The following PHLPP1 variants were observed in gnomAD, a reference collection of about 807,000 sequenced individuals.
The protein encoded by PHLPP1 is PH domain leucine-rich repeat-containing protein phosphatase 1.
A neutral mutation model predicts 117.2 loss-of-function variants in PHLPP1; 42 were observed. The observed-to-expected ratio is 0.36, with a 90% CI of 0.28 to 0.46. The LOEUF is 0.46. Ranked by LOEUF, PHLPP1 falls within the 20% of genes least tolerant of loss-of-function variation. PHLPP1 has a pLI of 1.00. For missense variants in PHLPP1, 2,084 were observed against 2,241.9 expected, an observed-to-expected ratio of 0.93 and a Z score of 1.42; for synonymous variants, 1,042 against 970.7, an observed-to-expected ratio of 1.07 and a Z score of -1.37.
rs1470730638 is a variant in PHLPP1, at chr18:62,838,299, A to G, written c.1774-485A>G. The G allele has an allele frequency of 3.9e-5, 6 of 152,438 alleles. 1 individual carries two copies. Among genetic ancestry groups the G allele is most frequent in the Non-Finnish European group, 1.5e-5 (1 of 68,124 alleles). The allele number at this position is 152,438 out of a possible 1,614,324, so 9.4% of individuals were successfully genotyped here. On this transcript the variant is annotated intron_variant, in intron 2 of 16. Transcript: ENST00000262719. Reference sequence around the variant, plus strand: ...CTTGTGAAGAACTTACAAGGAGTGGAAATTTGATTTGACTGTATTTCACTG... The same window carrying G: ...CTTGTGAAGAACTTACAAGGAGTGGGAATTTGATTTGACTGTATTTCACTG...
chr18:62,767,235 A>G (rs1422578172), intron 1 of PHLPP1, among the ~76,000 whole-genome samples: 1 of 152,174 alleles, frequency 6.6e-6, no homozygotes, highest in Non-Finnish European at 1.5e-5. Flanking sequence ...GGAAGGTTAA[A>G]ATACATAATT....
In PHLPP1 at chr18:62,734,168, G is replaced by T. The variant is rs2122063940; in HGVS notation, c.1576+16909G>T. On this transcript the variant is annotated intron_variant, in intron 1 of 16. Transcript: ENST00000262719. ...TTTTATTTTTCTATGGATTTATGAG[G>T]TTGATGGGAAGTGCTGTTTATCTTC... Among the ~76,000 whole-genome samples, 2 of 152,150 alleles carry T rather than the reference G, an allele frequency of 1.3e-5. 1 individual carries two copies. Among genetic ancestry groups the T allele is most frequent in the Middle Eastern group, 6.8e-3 (2 of 294 alleles).
At chr18:62,831,573 G>A (rs766514224) in intron 2 of PHLPP1, among the ~76,000 whole-genome samples, 3 of 152,036 alleles carry the variant, frequency 2.0e-5, no homozygotes, top group Non-Finnish European at 2.9e-5. Context: ...TCCTGACCTC[G>A]TGATTCACCC....
intron 1 of PHLPP1, among the ~76,000 whole-genome samples, chr18:62,820,410 A>G (rs1268374221): frequency 2.0e-5 from 3 of 152,242 alleles, no homozygotes; most frequent in African/African-American, 7.2e-5. Flanking sequence ...TACATATGGA[A>G]CATTGATATG....
intron 1 of PHLPP1, among the ~76,000 whole-genome samples, chr18:62,743,199 CT>C (rs1463065695): frequency 1.3e-5 from 2 of 151,778 alleles, no homozygotes; most frequent in Admixed American, 6.6e-5. Flanking sequence ...ATTTTCTGTT[CT>C]TTTTCCCTCT....
intron 3 of PHLPP1, among the ~76,000 whole-genome samples, chr18:62,846,209 C>CAAAAAAAAAAAAAAAAAAAAAAAAAA (rs34577472): frequency 1.3e-5 from 1 of 78,678 alleles, no homozygotes; most frequent in African/African-American, 5.2e-5. Flanking sequence ...AACTCCATCT[C>CAAAAAAAAAAAAAAAAAAAAAAAAAA]AAAAAAAAAA....
chr18:62,836,398 C>CTGCA (rs1914898019), intron 2 of PHLPP1, among the ~76,000 whole-genome samples: 1 of 151,154 alleles, frequency 6.6e-6, no homozygotes, highest in Admixed American at 6.6e-5. Context: ...TGCCACTGCA[C>CTGCA]TGCAGCCTGG....
At chr18:62,956,070 C>T (rs1438637450) in intron 12 of PHLPP1, among the ~76,000 whole-genome samples, 1 of 152,094 alleles carries the variant, frequency 6.6e-6, no homozygotes, top group African/African-American at 2.4e-5. Context: ...TGACTGTTTT[C>T]TCCAATATTT....
intron 10 of PHLPP1, among the ~76,000 whole-genome samples, chr18:62,927,332 T>C (rs1909663226): frequency 6.6e-6 from 1 of 152,210 alleles, no homozygotes; most frequent in African/African-American, 2.4e-5. Context: ...ATTGGGTTAT[T>C]GGCTCCCAAA....
chr18:62,917,120 C>T (rs1909307362), intron 9 of PHLPP1, among the ~76,000 whole-genome samples: 1 of 150,286 alleles, frequency 6.7e-6, no homozygotes, highest in Non-Finnish European at 1.5e-5. Context: ...CATTGGCATC[C>T]AAGTTCTCTG....
chr18:62,752,743 C>G (rs1221714026), intron 1 of PHLPP1, among the ~76,000 whole-genome samples: 1 of 152,188 alleles, frequency 6.6e-6, no homozygotes, highest in African/African-American at 2.4e-5. Flanking sequence ...AGATTCCACT[C>G]TTGTTACATG....
chr18:62,868,826 G>A (rs1915829850), intron 4 of PHLPP1, among the ~76,000 whole-genome samples: 1 of 152,106 alleles, frequency 6.6e-6, no homozygotes, highest in Admixed American at 6.6e-5. Context: ...AGGAGATAAA[G>A]GAGTCTTTGA....
At position 62,947,865 on chromosome 18, in the gene PHLPP1, A is replaced by C. The variant is rs1205316473; in HGVS notation, c.3324+2594A>C. Among the ~76,000 whole-genome samples the C allele has an allele frequency of 3.3e-5, 5 of 151,948 alleles. No homozygotes were observed. The East Asian group carries it at 9.7e-4, about 29-fold the overall frequency. ...ACATGGTGAAACTCTGTCTCTACTA[A>C]AAATACAAAAATAAGCCAGGCATGG... On this transcript the variant is annotated intron_variant, in intron 12 of 16. Coordinates refer to ENST00000262719, the MANE Select transcript of PHLPP1 (RefSeq NM_194449.4).
intron 3 of PHLPP1, among the ~76,000 whole-genome samples, chr18:62,854,148 T>G (rs1915434961): frequency 6.6e-6 from 1 of 152,232 alleles, no homozygotes; most frequent in Admixed American, 6.5e-5. Context: ...ACCTCACCTT[T>G]GTGCCTTCAA....
chr18:62,932,384 G>C (rs1909842371), intron 10 of PHLPP1, among the ~76,000 whole-genome samples: 1 of 152,118 alleles, frequency 6.6e-6, no homozygotes, highest in African/African-American at 2.4e-5. Context: ...TAAGTAGCCA[G>C]CTGAATTCAG....
At chr18:62,977,124 T>A (rs1260318871) in intron 16 of PHLPP1, among the ~76,000 whole-genome samples, 1 of 152,150 alleles carries the variant, frequency 6.6e-6, no homozygotes, top group Non-Finnish European at 1.5e-5. Flanking sequence ...AAGCCCATCT[T>A]ACTAATTTTA....
chr18:62,920,045 T>C lies in PHLPP1; in HGVS notation c.2891T>C (p.Val964Ala). 6.2e-7 allele frequency: 1 copy of C among 1,613,386 alleles called. No individual in the cohort carries two copies. The highest frequency in any genetic ancestry group is 8.5e-7 in the Non-Finnish European group (1 of 1,179,578). ...CCTGAAAGGCTAGAAAGAACCTCGG[T>C]GGAGGTCTTGGATGTGCAACACAAC... Reference protein sequence around the residue: ...RLPERLERTSVEVLDVQHNQL... With the variant: ...RLPERLERTSAEVLDVQHNQL... The change falls in exon 10 of 17, where the codon GTG becomes GCG. Residue 964 changes from valine (V) to alanine (A), a missense_variant. Val to Ala is a moderately conservative substitution (Grantham distance 64, BLOSUM62 0). Coordinates refer to ENST00000262719, the MANE Select transcript of PHLPP1 (RefSeq NM_194449.4).
chr18:62,815,785 G>A (rs1381940454), intron 1 of PHLPP1, among the ~76,000 whole-genome samples: 1 of 152,196 alleles, frequency 6.6e-6, no homozygotes, highest in Non-Finnish European at 1.5e-5. Context: ...TTGAAGGAAA[G>A]AATTTAAAAT....
At chr18:62,912,874 G>A (rs1916996612) in intron 8 of PHLPP1, among the ~76,000 whole-genome samples, 1 of 152,202 alleles carries the variant, frequency 6.6e-6, no homozygotes, top group South Asian at 2.1e-4. Context: ...ACCCGCCTTG[G>A]CCTCCCAAAG....
Sources: gnomAD v4.1 joint callset for allele counts (sites outside exome capture counted in the v4.1 genomes callset) on GRCh38, gnomAD v4.1.1 for gene constraint, MANE v1.5 for transcripts, NCBI Gene and HGNC (gene_info 2026-07-23, HGNC 2026-07-21) for gene names.